Variants in IPO11 observed in about 807,000 individuals in gnomAD.
The protein encoded by IPO11 is importin 11, also known as importin-11.
A neutral mutation model predicts 143.2 loss-of-function variants in IPO11; 66 were observed. That is an observed-to-expected ratio of 0.46 (90% CI 0.38 to 0.57). The LOEUF (loss-of-function observed/expected upper bound fraction) is 0.57, where lower values mean the gene tolerates loss of function less well. IPO11 is among the 20% of genes least tolerant of loss of function. The pLI is 0.00. For missense variants in IPO11, 1,026 were observed against 1,141.0 expected (o/e 0.90, Z 1.45); for synonymous variants, 385 against 377.8 (o/e 1.02, Z -0.22).
At chr5:62,448,596 G>A (rs975968882) in intron 3 of IPO11, among the ~76,000 whole-genome samples, 4 of 152,134 alleles carry the variant, frequency 2.6e-5, no homozygotes, top group African/African-American at 9.7e-5. Context: ...CGTTGCCCAG[G>A]CTGGAATGCA....
chr5:62,626,175 G>T (rs910098041), intron 29 of IPO11, among the ~76,000 whole-genome samples: 5 of 151,936 alleles, frequency 3.3e-5, no homozygotes, highest in Non-Finnish European at 5.9e-5. Flanking sequence ...GACTACAGGC[G>T]TGCACCACCA....
At chr5:62,545,755 GA>G (rs1300737656) in intron 24 of IPO11, among the ~76,000 whole-genome samples, 1 of 151,778 alleles carries the variant, frequency 6.6e-6, no homozygotes, top group Non-Finnish European at 1.5e-5. Context: ...AAATTTACAA[GA>G]AAAAAACAAC....
intron 27 of IPO11, among the ~76,000 whole-genome samples, chr5:62,564,889 A>C (rs1466745690): frequency 6.6e-6 from 1 of 152,244 alleles, no homozygotes; most frequent in Admixed American, 6.5e-5. Context: ...CAGGGCCATC[A>C]GTCACTTGCT....
At chr5:62,555,572 C>T (rs1185977624) in intron 26 of IPO11, among the ~76,000 whole-genome samples, 5 of 151,646 alleles carry the variant, frequency 3.3e-5, no homozygotes, top group Non-Finnish European at 7.4e-5. Context: ...GGTGCAGTCT[C>T]GGCTCGCTGC....
At chr5:62,421,438 A>G (rs190151071) in intron 1 of IPO11, among the ~76,000 whole-genome samples, 1 of 152,344 alleles carries the variant, frequency 6.6e-6, no homozygotes, top group African/African-American at 2.4e-5. Flanking sequence ...GTCTAAAGCT[A>G]AAAATTCCCA....
At chr5:62,496,815 A>T (rs114180119) in intron 16 of IPO11, among the ~76,000 whole-genome samples, 1 of 152,240 alleles carries the variant, frequency 6.6e-6, no homozygotes, top group East Asian at 1.9e-4. Context: ...GGAAAACTTA[A>T]CAATATTTCA....
intron 5 of IPO11, among the ~76,000 whole-genome samples, chr5:62,454,352 C>G (rs1243112791): frequency 6.6e-6 from 1 of 152,198 alleles, no homozygotes; most frequent in African/African-American, 2.4e-5. Context: ...TCAAACCCTT[C>G]ACTTCTAGGA....
Position 62,430,781 on chromosome 5 carries a change from G to A in IPO11, c.-6-6493G>A, listed in dbSNP as rs191697980. ...CAACCTCTGCCTCCTGGGTTCACAC[G>A]ATTCCCCTGCCTCAGCCTCCCGAGT... On this transcript the variant is annotated intron_variant, in intron 1 of 29. Coordinates refer to ENST00000325324, the MANE Select transcript of IPO11 (RefSeq NM_016338.5). Among the ~76,000 whole-genome samples, 662 of 147,342 alleles carry A rather than the reference G, an allele frequency of 4.5e-3. 7 individuals carry two copies. The highest frequency in any genetic ancestry group is 0.016 in the African/African-American group (638 of 39,802).
chr5:62,537,375 G>T, intron 24 of IPO11, 86 bp downstream of exon 24: 1 of 883,662 alleles, frequency 1.1e-6, no homozygotes, highest in East Asian at 2.7e-5. Context: ...TGGTTCGCAA[G>T]AAGGAGAAGA....
chr5:62,622,177 C>T (rs1030615951), intron 29 of IPO11, among the ~76,000 whole-genome samples: 12 of 152,082 alleles, frequency 7.9e-5, no homozygotes, highest in East Asian at 3.9e-4. Context: ...GCTTGGCCCA[C>T]GTTTTTCTGT....
intron 1 of IPO11, among the ~76,000 whole-genome samples, chr5:62,435,404 C>CA (rs1245460046): frequency 6.8e-6 from 1 of 146,800 alleles, no homozygotes; most frequent in Admixed American, 6.9e-5. Flanking sequence ...GCCTGGGCAA[C>CA]AAAGCGAGAC....
At chr5:62,530,623 A>G in intron 21 of IPO11, 86 bp from the exon 22 acceptor site, 1 of 766,740 alleles carries the variant, frequency 1.3e-6, no homozygotes, top group East Asian at 2.5e-5. Context: ...CTTCATTTAA[A>G]TGAGACCTTT....
intron 24 of IPO11, among the ~76,000 whole-genome samples, chr5:62,540,646 T>C (rs1742903027): frequency 6.6e-6 from 1 of 152,264 alleles, no homozygotes; most frequent in Non-Finnish European, 1.5e-5. Flanking sequence ...GCTCTGCTAC[T>C]TCACAGCTAT....
intron 26 of IPO11, among the ~76,000 whole-genome samples, chr5:62,551,853 C>T (rs762256456): frequency 9.2e-5 from 14 of 152,024 alleles, no homozygotes; most frequent in South Asian, 2.1e-4. Flanking sequence ...TGGCCAGGTG[C>T]GGTGGCTCAC....
At chr5:62,546,317 A>C (rs1040848578) in intron 24 of IPO11, among the ~76,000 whole-genome samples, 1 of 152,242 alleles carries the variant, frequency 6.6e-6, no homozygotes, top group Non-Finnish European at 1.5e-5. Flanking sequence ...ATGAAGCTGG[A>C]AACCATCATT....
chr5:62,553,703 T>G (rs1361383317), intron 26 of IPO11, among the ~76,000 whole-genome samples: 1 of 151,910 alleles, frequency 6.6e-6, no homozygotes, highest in Non-Finnish European at 1.5e-5. Context: ...TGAGATGATA[T>G]CTCATTGTGG....
In IPO11 at chr5:62,506,237, G is replaced by T. The variant is rs1741551562; in HGVS notation, c.1666-4G>T. ...TTTTTTATTTTCTTTCTTTTTACCT[G>T]CAGTATTTGGAAACCATGTTCACAC... On this transcript the variant is annotated splice_polypyrimidine_tract_variant and splice_region_variant and intron_variant, in intron 18 of 29. Transcript: ENST00000325324. 6.6e-7 allele frequency: 1 copy of T among 1,519,000 alleles called. No homozygotes were observed. The highest frequency in any genetic ancestry group is 1.9e-4 in the Middle Eastern group (1 of 5,328). 94.1% of individuals were successfully genotyped at this position (1,519,000 alleles called of 1,614,324 possible).
At chr5:62,471,766 T>C (rs1374616415) in intron 7 of IPO11, among the ~76,000 whole-genome samples, 1 of 152,240 alleles carries the variant, frequency 6.6e-6, no homozygotes, top group East Asian at 1.9e-4. Context: ...AAAAAAGAGA[T>C]ATTAATATAG....
chr5:62,603,403 G>A (rs10069689), intron 29 of IPO11, among the ~76,000 whole-genome samples: 102 of 152,288 alleles, frequency 6.7e-4, no homozygotes, highest in Middle Eastern at 3.4e-3. Flanking sequence ...CAAATCTGGC[G>A]AGCTCGCTGA....
Sources: allele counts gnomAD v4.1 joint callset (sites outside exome capture counted in the v4.1 genomes callset), GRCh38; gene constraint gnomAD v4.1.1; transcripts MANE v1.5; gene names NCBI Gene and HGNC (gene_info 2026-07-23, HGNC 2026-07-21).